FGF1: variants seen among roughly 807,000 people sequenced by gnomAD.
The protein encoded by FGF1 is fibroblast growth factor 1.
Under a neutral mutation model 13.4 loss-of-function variants are expected in FGF1, and 9 were observed. The observed-to-expected ratio is 0.67, with a 90% CI of 0.40 to 1.17. The LOEUF (loss-of-function observed/expected upper bound fraction) is 1.17. FGF1 is among the 50% of genes most tolerant of loss of function. The pLI is 0.01. For missense variants in FGF1, 156 were observed against 192.7 expected (o/e 0.81, Z 1.13); for synonymous variants, 93 against 79.0 (o/e 1.18, Z -0.94).
intron 1 of FGF1, 36 bp from the exon 2 acceptor site, chr5:142,614,197 C>T: frequency 6.5e-7 from 1 of 1,542,888 alleles, no homozygotes; most frequent in South Asian, 1.2e-5. Flanking sequence ...GTCGGTTCTT[C>T]CAGCAAAGGC....
chr5:142,602,636 A>G (rs1476238295), intron 2 of FGF1, among the ~76,000 whole-genome samples: 3 of 152,170 alleles, frequency 2.0e-5, no homozygotes, highest in South Asian at 4.1e-4. Flanking sequence ...TATCCTTTCT[A>G]GAGAGCTTGT....
chr5:142,629,289 C>T (rs1421951764), intron 1 of FGF1, among the ~76,000 whole-genome samples: 2 of 152,094 alleles, frequency 1.3e-5, no homozygotes, highest in African/African-American at 4.8e-5. Context: ...CTGAGTAGCT[C>T]AGACTACAGG....
In FGF1 at chr5:142,619,688, C is replaced by T. The variant is rs987741228; in HGVS notation, c.-34-5527G>A. ...GTCTCTACTAAAAATACAAAATTAG[C>T]CGGGCATGGTGGCGCATGCCTGTAA... On this transcript the variant is annotated intron_variant, in intron 1 of 3. Transcript: ENST00000337706. 5.9e-5 allele frequency among the ~76,000 whole-genome samples: 9 copies of T among 152,026 alleles called. 1 individual carries two copies. The highest frequency in any genetic ancestry group is 9.7e-5 in the African/African-American group (4 of 41,384).
At chr5:142,618,707 G>A (rs1461156536) in intron 1 of FGF1, among the ~76,000 whole-genome samples, 2 of 152,106 alleles carry the variant, frequency 1.3e-5, no homozygotes, top group Non-Finnish European at 2.9e-5. Flanking sequence ...CCATGGTTAT[G>A]TAAGAAAAAA....
intron 1 of FGF1, among the ~76,000 whole-genome samples, chr5:142,619,217 A>G (rs1760979349): frequency 2.0e-5 from 3 of 152,152 alleles, no homozygotes; most frequent in Non-Finnish European, 4.4e-5. Context: ...TACAGGCGTG[A>G]GCCACCACGC....
chr5:142,659,698 T>C (rs560636201), intron 1 of FGF1, among the ~76,000 whole-genome samples: 1 of 152,284 alleles, frequency 6.6e-6, no homozygotes, highest in Non-Finnish European at 1.5e-5. Flanking sequence ...ACAAAATCTT[T>C]CAGAGAGTTG....
At chr5:142,633,903 G>A (rs544065640) in intron 1 of FGF1, among the ~76,000 whole-genome samples, 110 of 152,184 alleles carry the variant, frequency 7.2e-4, no homozygotes, top group Non-Finnish European at 1.0e-4. Flanking sequence ...GACCTCCCTC[G>A]GCTGGGCGTG....
At chr5:142,696,393 T>C (rs539375065) in intron 2 of FGF1, among the ~76,000 whole-genome samples, 23 of 152,324 alleles carry the variant, frequency 1.5e-4, no homozygotes, top group Non-Finnish European at 2.6e-4. Context: ...CACCCCTTCA[T>C]TGCTTTCAGT....
chr5:142,628,054 A>G (rs1212317113), intron 1 of FGF1, among the ~76,000 whole-genome samples: 2 of 152,188 alleles, frequency 1.3e-5, no homozygotes, highest in African/African-American at 4.8e-5. Flanking sequence ...GAAGGAGATG[A>G]TGCAAGAGAA....
At chr5:142,670,511 A>G (rs1327678198) in intron 1 of FGF1, among the ~76,000 whole-genome samples, 2 of 152,126 alleles carry the variant, frequency 1.3e-5, no homozygotes, top group Non-Finnish European at 2.9e-5. Context: ...TCATTACTTC[A>G]TTCTTTCTAC....
chr5:142,616,023 C>A (rs771231665), intron 1 of FGF1, among the ~76,000 whole-genome samples: 1 of 152,206 alleles, frequency 6.6e-6, no homozygotes, highest in African/African-American at 2.4e-5. Context: ...TCCACCTTCT[C>A]CAGGAGAAGC....
chr5:142,631,739 T>C (rs1763403707), intron 1 of FGF1, among the ~76,000 whole-genome samples: 1 of 151,282 alleles, frequency 6.6e-6, no homozygotes, highest in Non-Finnish European at 1.5e-5. Flanking sequence ...ATCATTATCC[T>C]CTCAACTCAT....
intron 1 of FGF1, among the ~76,000 whole-genome samples, chr5:142,631,797 T>C (rs938761208): frequency 4.1e-5 from 6 of 147,788 alleles, no homozygotes; most frequent in Non-Finnish European, 7.5e-5. Context: ...TTTTTTTTTT[T>C]TTTTGAGACG....
chr5:142,608,865 G>A (rs947630049), intron 2 of FGF1, among the ~76,000 whole-genome samples: 3 of 151,634 alleles, frequency 2.0e-5, no homozygotes, highest in African/African-American at 2.4e-5. Context: ...GATGAGGGTT[G>A]TGGGGAGGAG....
chr5:142,690,573 G>A (rs764724318), upstream of FGF1, among the ~76,000 whole-genome samples: 3 of 152,136 alleles, frequency 2.0e-5, no homozygotes, highest in Non-Finnish European at 4.4e-5. Context: ...CTGCGTAATT[G>A]TTTGTTTTTC....
chr5:142,649,788 T>C (rs371961801), intron 1 of FGF1, among the ~76,000 whole-genome samples: 4 of 152,334 alleles, frequency 2.6e-5, no homozygotes, highest in Admixed American at 6.5e-5. Context: ...TGCTTTTTAC[T>C]GTCTACTCTT....
intron 1 of FGF1, among the ~76,000 whole-genome samples, chr5:142,639,449 A>G (rs1764801911): frequency 6.6e-6 from 1 of 152,044 alleles, no homozygotes; most frequent in Non-Finnish European, 1.5e-5. Context: ...ACATTATGCT[A>G]AGTGAAATAA....
intron 1 of FGF1, chr5:142,627,294 A>G (rs1048319602): frequency 2.0e-5 from 3 of 152,196 alleles, no homozygotes; most frequent in Non-Finnish European, 4.4e-5. Flanking sequence ...TCTCCAGCCA[A>G]GAGAAGTGTG....
At chr5:142,697,552 T>A (rs1165782099) in intron 2 of FGF1, 3 of 152,564 alleles carry the variant, frequency 2.0e-5, no homozygotes, top group Non-Finnish European at 2.9e-5. Flanking sequence ...ACGTTCACGC[T>A]GAGCACAACA....
Sources: allele counts gnomAD v4.1 joint callset (sites outside exome capture counted in the v4.1 genomes callset), GRCh38; gene constraint gnomAD v4.1.1; transcripts MANE v1.5; gene names NCBI Gene and HGNC (gene_info 2026-07-23, HGNC 2026-07-21).